Variants in ELOVL4 observed in about 807,000 individuals in gnomAD.
ELOVL4 encodes ELOVL fatty acid elongase 4.
In ELOVL4, 18 loss-of-function variants were observed where a neutral mutation model predicts 42.1. The ratio of observed to expected loss-of-function variants is 0.43; its 90% CI spans 0.30 to 0.63. The LOEUF is 0.63. ELOVL4 is among the 30% of genes least tolerant of loss of function. ELOVL4 has a pLI of 0.15. For missense variants in ELOVL4, 299 were observed against 376.2 expected (o/e 0.79, Z 1.70); for synonymous variants, 117 against 127.0 (o/e 0.92, Z 0.53).
In ELOVL4 at chr6:79,947,241, G is replaced by A. The variant is rs779478621; in HGVS notation, c.39C>T (p.Asn13=). The A allele has an allele frequency of 1.2e-6, 2 of 1,613,200 alleles. No homozygotes were observed. Among genetic ancestry groups the A allele is most frequent in the Non-Finnish European group, 1.7e-6 (2 of 1,179,526 alleles). The change falls in exon 1 of 6, where the codon AAC becomes AAT. Residue 13 remains asparagine (N), a synonymous_variant. Coordinates refer to ENST00000369816, the MANE Select transcript of ELOVL4 (RefSeq NM_022726.4). Reference sequence around the variant, plus strand: ...TGTCGTTGAGTGCCGTGGACACTACGTTTAGGACACTACCCGGCTCCGAGT... The same window carrying A: ...TGTCGTTGAGTGCCGTGGACACTACATTTAGGACACTACCCGGCTCCGAGT... ...LLDSEPGSVL[N]VVSTALNDTV...
chr6:79,947,043 G>C, intron 1 of ELOVL4, 137 bp downstream of exon 1: 1 of 718,038 alleles, frequency 1.4e-6, no homozygotes, highest in East Asian at 2.7e-5. Flanking sequence ...TGCCCGCGCC[G>C]GCCCCTCCGC....
intron 3 of ELOVL4, among the ~76,000 whole-genome samples, chr6:79,923,738 T>C (rs941920435): frequency 2.6e-5 from 4 of 152,154 alleles, no homozygotes; most frequent in Non-Finnish European, 5.9e-5. Flanking sequence ...CTGTCCCCAG[T>C]ACCAACATAT....
chr6:79,921,459 C>CACA (rs1774254187), intron 4 of ELOVL4, among the ~76,000 whole-genome samples, 166 bp downstream of exon 4: 1 of 42,368 alleles, frequency 2.4e-5, no homozygotes, highest in Non-Finnish European at 4.2e-5. Flanking sequence ...GACTCCATCT[C>CACA]AAAAAAAAAA....
chr6:79,945,035 G>C (rs1774714988), intron 1 of ELOVL4, among the ~76,000 whole-genome samples: 1 of 149,222 alleles, frequency 6.7e-6, no homozygotes, highest in African/African-American at 2.5e-5. Flanking sequence ...CATAGAATGA[G>C]GGAGAGTAAA....
intron 4 of ELOVL4, among the ~76,000 whole-genome samples, 166 bp downstream of exon 4, chr6:79,921,459 C>CCAAAAAAA: frequency 2.4e-5 from 1 of 42,370 alleles, no homozygotes; most frequent in Non-Finnish European, 4.2e-5. Context: ...GACTCCATCT[C>CCAAAAAAA]AAAAAAAAAA....
At position 79,916,818 on chromosome 6, in the gene ELOVL4, T is replaced by C. The variant is rs769435926; in HGVS notation, c.735A>G (p.Lys245=). The C allele has an allele frequency of 8.1e-6, 13 of 1,613,994 alleles. No individual in the cohort carries two copies. In the South Asian group the frequency reaches 9.9e-5, roughly 12 times the overall value. ...LSLYTDCPFP[K]WMHWALIAYA... ...AGGCAATTAGAGCCCAGTGCATCCATTTGGGGAAGGGGCAGTCAGTGTAAA... is the reference window on the plus strand; with the variant it reads ...AGGCAATTAGAGCCCAGTGCATCCACTTGGGGAAGGGGCAGTCAGTGTAAA... The change falls in exon 6 of 6, where the codon AAA becomes AAG. Residue 245 remains lysine, a synonymous_variant. Transcript: ENST00000369816.
rs749538550 is a variant in ELOVL4 at position 79,924,988 on chromosome 6, C to T, written c.333G>A (p.Gln111=). The change falls in exon 3 of 6, where the codon CAG becomes CAA. Residue 111 remains glutamine, a synonymous_variant. Coordinates refer to ENST00000369816, the MANE Select transcript of ELOVL4 (RefSeq NM_022726.4). ...SYNAGYSYIC[Q]SVDYSNNVHE... ...GAACATTATTAGAATAATCCACACT[C>T]TGGCAAATATAGCTATATCCCGCAT... The T allele has an allele frequency of 7.5e-6, 12 of 1,606,954 alleles. No homozygotes were observed. In the Admixed American group the frequency reaches 1.2e-4, roughly 16 times the overall value.
At chr6:79,927,798 T>C (rs1774369053) in intron 1 of ELOVL4, among the ~76,000 whole-genome samples, 1 of 151,828 alleles carries the variant, frequency 6.6e-6, no homozygotes, top group African/African-American at 2.4e-5. Flanking sequence ...TAAAAGGAGG[T>C]CTACTATTCA....
chr6:79,916,336 A>G lies in ELOVL4; in HGVS notation c.*272T>C, dbSNP rs1356166474. 1 of 443,278 alleles carries G rather than the reference A, an allele frequency of 2.3e-6. No individual in the cohort carries two copies. The highest frequency in any genetic ancestry group is 4.1e-6 in the Non-Finnish European group (1 of 244,872). 27.5% of individuals were successfully genotyped at this position (443,278 alleles called of 1,614,324 possible). ...ATCCTTTAGACAACTGGATGTGAAC[A>G]GGGGGAGAATCCCCAAAGTCACTTA... On this transcript the variant is annotated 3_prime_UTR_variant, in exon 6 of 6. Coordinates refer to ENST00000369816, the MANE Select transcript of ELOVL4 (RefSeq NM_022726.4).
chr6:79,920,826 T>G (rs1317572931), intron 4 of ELOVL4, among the ~76,000 whole-genome samples: 2 of 152,188 alleles, frequency 1.3e-5, no homozygotes, highest in Non-Finnish European at 2.9e-5. Flanking sequence ...GTGTTTTGAC[T>G]GTGACCCATC....
At chr6:79,928,041 T>C (rs564292092) in intron 1 of ELOVL4, among the ~76,000 whole-genome samples, 5 of 152,338 alleles carry the variant, frequency 3.3e-5, no homozygotes, top group Admixed American at 1.3e-4. Flanking sequence ...TATGACCATA[T>C]CTTTCTATGC....
chr6:79,918,474 C>G (rs1174403867), intron 5 of ELOVL4, among the ~76,000 whole-genome samples: 3 of 152,150 alleles, frequency 2.0e-5, no homozygotes, highest in African/African-American at 7.2e-5. Flanking sequence ...GTGTTAACAG[C>G]TTTTACACAA....
intron 1 of ELOVL4, among the ~76,000 whole-genome samples, chr6:79,931,395 G>C (rs992875805): frequency 2.6e-5 from 4 of 152,214 alleles, no homozygotes; most frequent in African/African-American, 9.6e-5. Flanking sequence ...TAAAGCAAGA[G>C]CCTCATGTAA....
At chr6:79,919,667 G>T in intron 4 of ELOVL4, 120 bp from the exon 5 acceptor site, 1 of 908,536 alleles carries the variant, frequency 1.1e-6, no homozygotes, top group Non-Finnish European at 1.6e-6. Context: ...GTACAGATTA[G>T]AAATGAAAAA....
At chr6:79,919,978 T>G (rs923959444) in intron 4 of ELOVL4, among the ~76,000 whole-genome samples, 1 of 152,190 alleles carries the variant, frequency 6.6e-6, no homozygotes. Flanking sequence ...CTACACACAT[T>G]GAATAATTCA....
At chr6:79,935,847 G>A (rs1313769245) in intron 1 of ELOVL4, among the ~76,000 whole-genome samples, 1 of 152,022 alleles carries the variant, frequency 6.6e-6, no homozygotes, top group Non-Finnish European at 1.5e-5. Flanking sequence ...AAACAAATTA[G>A]GAATACTCCA....
intron 3 of ELOVL4, among the ~76,000 whole-genome samples, chr6:79,924,084 A>T (rs1582046907): frequency 2.0e-5 from 3 of 152,204 alleles, no homozygotes; most frequent in Admixed American, 6.5e-5. Context: ...GTAATAGAAT[A>T]AGGTAATCTG....
rs200457540 is a variant in ELOVL4, at chr6:79,919,369, TA to T, written c.669+50del. The T allele has an allele frequency of 1.1e-3, 1,816 of 1,598,438 alleles. 11 individuals are homozygous for T. The African/African-American group carries it at 0.02, about 18-fold the overall frequency. On this transcript the variant is annotated intron_variant, in intron 5 of 5. Transcript: ENST00000369816. ...ATTGCACTTTAAAATTAATCAAATT[TA>T]AACAATTTCAGTATTTTACCAGAAG...
intron 3 of ELOVL4, among the ~76,000 whole-genome samples, chr6:79,922,122 G>C (rs2127698621): frequency 6.6e-6 from 1 of 152,316 alleles, no homozygotes; most frequent in South Asian, 2.1e-4. Context: ...CAACTTGGTA[G>C]AGGAACTAAG....
Sources: allele counts gnomAD v4.1 joint callset (sites outside exome capture counted in the v4.1 genomes callset), GRCh38; gene constraint gnomAD v4.1.1; transcripts MANE v1.5; gene names NCBI Gene and HGNC (gene_info 2026-07-23, HGNC 2026-07-21).